The following ASCC3 variants were observed in gnomAD, a reference collection of about 807,000 sequenced individuals.
ASCC3 encodes ASC-1 complex subunit P200.
A neutral mutation model predicts 256.3 loss-of-function variants in ASCC3; 158 were observed. That is an observed-to-expected ratio of 0.62 (90% CI 0.54 to 0.70). The LOEUF (loss-of-function observed/expected upper bound fraction) is 0.70. Among genes scored for constraint, ASCC3 ranks in the 30% least tolerant of loss-of-function variants. ASCC3 has a pLI of 0.00. For synonymous variants in ASCC3, 948 were observed against 883.4 expected (o/e 1.07, Z -1.30); for missense variants, 2,259 against 2,626.0 (o/e 0.86, Z 3.05).
At chr6:100,845,085 C>T (rs1160012286) in intron 4 of ASCC3, among the ~76,000 whole-genome samples, 1 of 152,106 alleles carries the variant, frequency 6.6e-6, no homozygotes, top group African/African-American at 2.4e-5. Flanking sequence ...AATTCCCCTA[C>T]ATAAATTTAA....
intron 10 of ASCC3, 28 bp from the exon 11 acceptor site, chr6:100,725,731 G>C (rs1779588121): frequency 6.2e-7 from 1 of 1,610,468 alleles, no homozygotes. Flanking sequence ...TTTTAAAAGG[G>C]GAAAGTTACA....
At chr6:100,739,368 C>T (rs897748003) in intron 10 of ASCC3, among the ~76,000 whole-genome samples, 24 of 152,098 alleles carry the variant, frequency 1.6e-4, no homozygotes, top group African/African-American at 5.1e-4. Flanking sequence ...ATTTTTGCAC[C>T]GAAGCTCATC....
At chr6:100,816,638 A>G (rs1388024014) in intron 4 of ASCC3, among the ~76,000 whole-genome samples, 2 of 152,176 alleles carry the variant, frequency 1.3e-5, no homozygotes, top group African/African-American at 2.4e-5. Context: ...TATCTTTAGC[A>G]AACTAGCACA....
At chr6:100,788,293 T>A (rs6903907) in intron 8 of ASCC3, among the ~76,000 whole-genome samples, 38 of 152,044 alleles carry the variant, frequency 2.5e-4, no homozygotes, top group African/African-American at 9.2e-4. Flanking sequence ...GTAAAATGTT[T>A]AAAAATTTTT....
chr6:100,805,803 T>C lies in ASCC3; in HGVS notation c.879A>G (p.Arg293=). ...TATGATCATTTGAAGAATTAAGAAA[T>C]CTATCCACAATTGTAATTCTGTTCT... ...LLQNRITIVD[R]FLNSSNDHRF... The change falls in exon 5 of 42, where the codon AGA becomes AGG. Residue 293 remains arginine (R), a synonymous_variant. Transcript: ENST00000369162. 6.2e-7 allele frequency: 1 copy of C among 1,611,440 alleles called. No homozygotes were observed. The highest frequency in any genetic ancestry group is 8.5e-7 in the Non-Finnish European group (1 of 1,178,602).
chr6:100,627,472 G>T, intron 29 of ASCC3, 118 bp downstream of exon 29: 1 of 1,306,554 alleles, frequency 7.7e-7, no homozygotes, highest in Non-Finnish European at 1.1e-6. Flanking sequence ...AACAGTTTTA[G>T]ATATACGTAG....
chr6:100,777,545 T>C (rs746650007), intron 8 of ASCC3, among the ~76,000 whole-genome samples: 10 of 152,260 alleles, frequency 6.6e-5, no homozygotes, highest in East Asian at 1.9e-4. Flanking sequence ...TTTTAATAGA[T>C]GGTGTAATGG....
At chr6:100,811,291 T>C (rs1770457181) in intron 4 of ASCC3, among the ~76,000 whole-genome samples, 1 of 152,144 alleles carries the variant, frequency 6.6e-6, no homozygotes, top group Non-Finnish European at 1.5e-5. Flanking sequence ...ATAGCTCCGA[T>C]AAGATCAAAT....
intron 40 of ASCC3, among the ~76,000 whole-genome samples, chr6:100,511,888 G>C (rs1773781877): frequency 6.6e-6 from 1 of 151,992 alleles, no homozygotes; most frequent in South Asian, 2.1e-4. Context: ...AGAACAGAAG[G>C]GACAATACTT....
intron 36 of ASCC3, among the ~76,000 whole-genome samples, chr6:100,570,895 C>T (rs1199305791): frequency 1.3e-5 from 2 of 152,138 alleles, no homozygotes; most frequent in African/African-American, 4.8e-5. Context: ...TTAAAACATC[C>T]TGAGTCTGAC....
At chr6:100,863,093 T>C (rs985977728) in intron 3 of ASCC3, among the ~76,000 whole-genome samples, 1 of 152,200 alleles carries the variant, frequency 6.6e-6, no homozygotes, top group Non-Finnish European at 1.5e-5. Flanking sequence ...ATGGACATTT[T>C]ATAGTTGCAA....
At chr6:100,855,199 T>TG (rs1772885712) in intron 3 of ASCC3, among the ~76,000 whole-genome samples, 1 of 152,026 alleles carries the variant, frequency 6.6e-6, no homozygotes, top group Non-Finnish European at 1.5e-5. Context: ...CTGCAGCCTC[T>TG]GCCTCCTGGA....
intron 36 of ASCC3, among the ~76,000 whole-genome samples, chr6:100,588,490 T>G (rs532810963): frequency 6.6e-6 from 1 of 152,118 alleles, no homozygotes; most frequent in East Asian, 1.9e-4. Context: ...ATCTAAAAAA[T>G]TCTTTATATT....
chr6:100,668,643 T>C (rs1420402245), intron 14 of ASCC3, among the ~76,000 whole-genome samples: 2 of 151,868 alleles, frequency 1.3e-5, no homozygotes, highest in Non-Finnish European at 2.9e-5. Flanking sequence ...ACAATATCTC[T>C]CTTACAAATA....
At chr6:100,595,892 T>A (rs1161224385) in intron 34 of ASCC3, among the ~76,000 whole-genome samples, 1 of 152,206 alleles carries the variant, frequency 6.6e-6, no homozygotes, top group Non-Finnish European at 1.5e-5. Flanking sequence ...TTTATTTTTA[T>A]AAATTTCTTT....
intron 34 of ASCC3, among the ~76,000 whole-genome samples, chr6:100,598,838 T>C (rs2114790780): frequency 6.6e-6 from 1 of 152,324 alleles, no homozygotes; most frequent in Admixed American, 6.5e-5. Context: ...ATTTAATTTC[T>C]GATCAATACT....
intron 13 of ASCC3, among the ~76,000 whole-genome samples, chr6:100,713,026 G>C (rs1778925844): frequency 6.6e-6 from 1 of 151,998 alleles, no homozygotes; most frequent in Admixed American, 6.6e-5. Context: ...CCAAAGTGCT[G>C]AGATTACAGG....
chr6:100,607,991 A>G (rs1394516407), intron 30 of ASCC3, among the ~76,000 whole-genome samples: 1 of 141,836 alleles, frequency 7.1e-6, no homozygotes, highest in Non-Finnish European at 1.5e-5. Flanking sequence ...AACGATATTA[A>G]CCCCTTGTCC....
At position 100,660,038 on chromosome 6, in the gene ASCC3, C is replaced by T. The variant is rs571332910; in HGVS notation, c.2703+1768G>A. On this transcript the variant is annotated intron_variant, in intron 16 of 41. Transcript: ENST00000369162. ...CATGACGTGCATGAAAGAACCATGC[C>T]TTTTACTGTAAGTCAGAAAAATTAT... Among the ~76,000 whole-genome samples the T allele has an allele frequency of 2.0e-5, 3 of 151,556 alleles. No individual in the cohort carries two copies. In the East Asian group the frequency reaches 5.8e-4, roughly 29 times the overall value.
Sources: gnomAD v4.1 joint callset for allele counts (sites outside exome capture counted in the v4.1 genomes callset) on GRCh38, gnomAD v4.1.1 for gene constraint, MANE v1.5 for transcripts, NCBI Gene and HGNC (gene_info 2026-07-23, HGNC 2026-07-21) for gene names.